The following CACNA1S variants were observed in gnomAD, a reference collection of about 807,000 sequenced individuals.
CACNA1S encodes calcium voltage-gated channel subunit alpha1 S.
A neutral mutation model predicts 207.4 loss-of-function variants in CACNA1S; 126 were observed. The observed-to-expected ratio is 0.61, with a 90% CI of 0.53 to 0.70. The LOEUF (loss-of-function observed/expected upper bound fraction) is 0.70, where lower values mean the gene tolerates loss of function less well. Ranked by LOEUF, CACNA1S falls within the 30% of genes least tolerant of loss-of-function variation. The pLI, the probability that CACNA1S is intolerant of heterozygous loss-of-function variation, is 0.00. For synonymous variants in CACNA1S, 960 were observed against 932.7 expected, an observed-to-expected ratio of 1.03 and a Z score of -0.53; for missense variants, 2,349 against 2,422.8, an observed-to-expected ratio of 0.97 and a Z score of 0.64.
rs998077976 is a variant in CACNA1S, at chr1:201,085,593, T to C, written c.1005-12A>G. On this transcript the variant is annotated splice_polypyrimidine_tract_variant and intron_variant, in intron 7 of 43. Transcript: ENST00000362061. Reference sequence around the variant, plus strand: ...CCTTGGTGAATTCCCTGAAATGAGATGGGGGAGCCAGGAGAGGAGGAGAAG... The same window carrying C: ...CCTTGGTGAATTCCCTGAAATGAGACGGGGGAGCCAGGAGAGGAGGAGAAG... 6.2e-7 allele frequency: 1 copy of C among 1,613,024 alleles called. No individual in the cohort carries two copies. Among genetic ancestry groups the C allele is most frequent in the African/African-American group, 1.3e-5 (1 of 74,620 alleles).
chr1:201,070,221 A>G (rs761030587), intron 17 of CACNA1S, 51 bp downstream of exon 17: 27 of 1,605,430 alleles, frequency 1.7e-5, no homozygotes, highest in Non-Finnish European at 2.1e-5. Context: ...AGGGCAGGGA[A>G]GCAGATGAGA....
rs192980480 is a variant in CACNA1S, at chr1:201,105,166, G to A, written c.258+4998C>T. Reference sequence around the variant, plus strand: ...AGTTAAAGAGAAATCAGGGACAAACGATGGGCAGGGTGAAGAGGAATTCTT... The same window carrying A: ...AGTTAAAGAGAAATCAGGGACAAACAATGGGCAGGGTGAAGAGGAATTCTT... On this transcript the variant is annotated intron_variant, in intron 2 of 43. Transcript: ENST00000362061. Among the ~76,000 whole-genome samples the A allele has an allele frequency of 6.7e-4, 102 of 152,330 alleles. 1 individual carries two copies. Among genetic ancestry groups the A allele is most frequent in the African/African-American group, 2.3e-3 (94 of 41,578 alleles).
At position 201,069,209 on chromosome 1, in the gene CACNA1S, C is replaced by G; in HGVS notation, c.2491-13G>C. 6.2e-7 allele frequency: 1 copy of G among 1,613,582 alleles called. No individual in the cohort carries two copies. Among genetic ancestry groups the G allele is most frequent in the Non-Finnish European group, 8.5e-7 (1 of 1,179,498 alleles). ...AGTGTTTAAGGATCTGGGGACAGGG[C>G]AGGGGCGGGAGCAGCCAGTGAGAGG... On this transcript the variant is annotated splice_polypyrimidine_tract_variant and intron_variant, in intron 18 of 43. Coordinates refer to ENST00000362061, the MANE Select transcript of CACNA1S (RefSeq NM_000069.3).
chr1:201,092,940 G>A (rs1385685175), intron 3 of CACNA1S, among the ~76,000 whole-genome samples: 2 of 152,224 alleles, frequency 1.3e-5, no homozygotes, highest in African/African-American at 2.4e-5. Flanking sequence ...ACTGCCACCA[G>A]CTAGCTGTGT....
chr1:201,077,235 G>C (rs1028667018), intron 11 of CACNA1S, 108 bp from the exon 12 acceptor site: 19 of 940,338 alleles, frequency 2.0e-5, no homozygotes, highest in Non-Finnish European at 3.2e-5. Context: ...GACACAGAGG[G>C]AGGGGGCTGC....
rs372197177 is a variant in CACNA1S, at chr1:201,083,154, C to A, written c.1393+8G>T. ...CCCTCCTCCCGGCTTCACTCCGTTCCGCCTCACCTTGCAAACGGGTCAGCC... is the reference window on the plus strand; with the variant it reads ...CCCTCCTCCCGGCTTCACTCCGTTCAGCCTCACCTTGCAAACGGGTCAGCC... On this transcript the variant is annotated splice_region_variant and intron_variant, in intron 10 of 43. Transcript: ENST00000362061. 9 of 1,613,964 alleles carry A rather than the reference C, an allele frequency of 5.6e-6. No individual in the cohort carries two copies. In the East Asian group the frequency reaches 2.0e-4, roughly 36 times the overall value.
chr1:201,071,151 G>A (rs1194551012), intron 16 of CACNA1S, among the ~76,000 whole-genome samples: 1 of 151,908 alleles, frequency 6.6e-6, no homozygotes, highest in African/African-American at 2.4e-5. Flanking sequence ...TCAAAGCTGG[G>A]GTTTCTCTTG....
At chr1:201,049,150 G>T in intron 34 of CACNA1S, 51 bp from the exon 35 acceptor site, 1 of 1,288,204 alleles carries the variant, frequency 7.8e-7, no homozygotes, top group Non-Finnish European at 1.1e-6. Context: ...TCCGCTGCCA[G>T]AACCTTTCTG....
rs757043324 is a variant in CACNA1S at position 201,087,809 on chromosome 1, A to G, written c.1004+17T>C. On this transcript the variant is annotated intron_variant, in intron 7 of 43. Coordinates refer to ENST00000362061, the MANE Select transcript of CACNA1S (RefSeq NM_000069.3). ...CCTCTTTCTCTTTTCTCCCCTGGCT[A>G]CCTTTGAATTTCTTACCCACTCAGG... 2 of 1,530,150 alleles carry G rather than the reference A, an allele frequency of 1.3e-6. No homozygotes were observed. Among genetic ancestry groups the G allele is most frequent in the East Asian group, 2.3e-5 (1 of 44,214 alleles). The allele number at this position is 1,530,150 out of a possible 1,614,324, so 94.8% of individuals were successfully genotyped here.
Position 201,050,507 on chromosome 1 carries a change from G to T in CACNA1S, c.4123C>A (p.Leu1375Ile), listed in dbSNP as rs1660613749. ...YMLCAFLVIN[L>I]FVAVIMDNFD... Reference sequence around the variant, plus strand: ...TTGTCCATGATGACAGCCACAAAGAGGTTGATGACCTGCAAGAGAAGAACC... The same window carrying T: ...TTGTCCATGATGACAGCCACAAAGATGTTGATGACCTGCAAGAGAAGAACC... Residue 1375 changes from leucine to isoleucine, a missense_variant, in exon 34 of 44, where the codon CTC becomes ATC. Coordinates refer to ENST00000362061, the MANE Select transcript of CACNA1S (RefSeq NM_000069.3). 1.2e-6 allele frequency: 2 copies of T among 1,614,016 alleles called. No homozygotes were observed. The highest frequency in any genetic ancestry group is 1.7e-5 in the Admixed American group (1 of 59,994).
At chr1:201,080,148 T>G (rs1404200232) in intron 10 of CACNA1S, among the ~76,000 whole-genome samples, 2 of 152,168 alleles carry the variant, frequency 1.3e-5, no homozygotes, top group Admixed American at 1.3e-4. Flanking sequence ...CCAGATTTAG[T>G]TCTTCAGCTG....
chr1:201,049,832 C>T (rs1660594519), intron 34 of CACNA1S, among the ~76,000 whole-genome samples: 1 of 152,170 alleles, frequency 6.6e-6, no homozygotes, highest in African/African-American at 2.4e-5. Context: ...TTGGCACCAT[C>T]TCTTACCAGT....
At position 201,062,137 on chromosome 1, in the gene CACNA1S, C is replaced by T. The variant is rs550426258; in HGVS notation, c.2907-47G>A. 8.1e-6 allele frequency: 13 copies of T among 1,601,032 alleles called. No individual in the cohort carries two copies. The South Asian group carries it at 1.3e-4, about 17-fold the overall frequency. ...ACTCCACAGGGCATGGCTGGGCTGC[C>T]TTGCCCCACCCACATCCTCTGGGCC... is the stretch of plus-strand genomic sequence containing the variant. On this transcript the variant is annotated intron_variant, in intron 23 of 43. Coordinates refer to ENST00000362061, the MANE Select transcript of CACNA1S (RefSeq NM_000069.3).
chr1:201,075,781 A>G (rs950495572), intron 12 of CACNA1S, among the ~76,000 whole-genome samples, 166 bp from the exon 13 acceptor site: 1 of 152,100 alleles, frequency 6.6e-6, no homozygotes, highest in African/African-American at 2.4e-5. Flanking sequence ...CAAAACCCCT[A>G]TTCCAGCTGG....
intron 26 of CACNA1S, 108 bp from the exon 27 acceptor site, chr1:201,059,407 T>C (rs915704330): frequency 1.5e-6 from 1 of 671,294 alleles, no homozygotes; most frequent in Non-Finnish European, 2.6e-6. Flanking sequence ...CAACCCTTTC[T>C]TGGGCCCCCT....
chr1:201,094,607 C>T (rs557659001), intron 2 of CACNA1S, among the ~76,000 whole-genome samples: 1 of 152,136 alleles, frequency 6.6e-6, no homozygotes, highest in Non-Finnish European at 1.5e-5. Context: ...TTACTCAGAA[C>T]TCCAGATGCC....
chr1:201,099,796 C>T (rs1194461464), intron 2 of CACNA1S, among the ~76,000 whole-genome samples: 1 of 152,168 alleles, frequency 6.6e-6, no homozygotes, highest in Non-Finnish European at 1.5e-5. Flanking sequence ...TTCTTGTTCC[C>T]TTAAGCTGAC....
intron 7 of CACNA1S, among the ~76,000 whole-genome samples, chr1:201,086,552 C>T (rs375934956): frequency 1.3e-5 from 2 of 152,140 alleles, no homozygotes; most frequent in Non-Finnish European, 1.5e-5. Context: ...TACTGCATAC[C>T]GTAGGCGATT....
intron 32 of CACNA1S, among the ~76,000 whole-genome samples, chr1:201,052,027 C>T (rs1660671104): frequency 6.6e-6 from 1 of 152,208 alleles, no homozygotes; most frequent in South Asian, 2.1e-4. Context: ...GAGCATTCCA[C>T]TGTGGGCCAG....
Sources: allele counts gnomAD v4.1 joint callset (sites outside exome capture counted in the v4.1 genomes callset), GRCh38; gene constraint gnomAD v4.1.1; transcripts MANE v1.5; gene names NCBI Gene and HGNC (gene_info 2026-07-23, HGNC 2026-07-21).